RSF1: variants seen among roughly 807,000 people sequenced by gnomAD.
RSF1 encodes the protein HBV pX-associated protein 8.
A neutral mutation model predicts 145.2 loss-of-function variants in RSF1; 13 were observed. That is an observed-to-expected ratio of 0.09 (90% confidence interval 0.06 to 0.14). The LOEUF is 0.14. Ranked by LOEUF, RSF1 falls within the 10% of genes least tolerant of loss-of-function variation. The pLI is 1.00. For synonymous variants in RSF1, 577 were observed against 592.6 expected (o/e 0.97, Z 0.38); for missense variants, 1,517 against 1,718.2 (o/e 0.88, Z 2.07).
intron 1 of RSF1, among the ~76,000 whole-genome samples, chr11:77,820,212 C>T (rs1386694056): frequency 1.3e-5 from 2 of 152,156 alleles, no homozygotes; most frequent in African/African-American, 4.8e-5. Flanking sequence ...GGGCCGCCCT[C>T]CGCCGCGGAG....
chr11:77,778,951 A>G (rs1035509204), intron 1 of RSF1, among the ~76,000 whole-genome samples: 2 of 151,738 alleles, frequency 1.3e-5, no homozygotes, highest in African/African-American at 4.8e-5. Context: ...CTTTTCATTC[A>G]TTCATTTTTT....
intron 4 of RSF1, among the ~76,000 whole-genome samples, chr11:77,730,008 T>A (rs370526040): frequency 1.2e-3 from 181 of 150,362 alleles, no homozygotes; most frequent in African/African-American, 4.3e-3. Context: ...CATTAGTGAA[T>A]GAGCACTATG....
At chr11:77,803,213 C>A (rs1948643909) in intron 1 of RSF1, among the ~76,000 whole-genome samples, 3 of 151,920 alleles carry the variant, frequency 2.0e-5, no homozygotes, top group Admixed American at 2.0e-4. Flanking sequence ...AGTGGCACAA[C>A]CATGGCTCAC....
At position 77,660,285 on chromosome 11, in the gene RSF1, A is replaced by G. The variant is rs563535369; in HGVS notation, c.*6632T>C. 3.3e-5 allele frequency: 5 copies of G among 152,338 alleles called. No homozygotes were observed. The South Asian group carries it at 1.0e-3, about 32-fold the overall frequency. 9.4% of individuals were successfully genotyped at this position (152,338 alleles called of 1,614,324 possible). On this transcript the variant is annotated 3_prime_UTR_variant, in exon 16 of 16. Coordinates refer to ENST00000308488, the MANE Select transcript of RSF1 (RefSeq NM_016578.4). ...CAACTATGCACTGCAATTCTAACAC[A>G]CTAGGTGTTCATACACTGAAGTTAA...
rs112589342 is a variant in RSF1, at chr11:77,791,017, C to T, written c.188-26328G>A. ...CTTCTCACAGCTCCACTAGGCAGTG[C>T]CCCAGGTAGGGGATCTGTGTAGGGG... On this transcript the variant is annotated intron_variant, in intron 1 of 15. Coordinates refer to ENST00000308488, the MANE Select transcript of RSF1 (RefSeq NM_016578.4). Among the ~76,000 whole-genome samples, 341 of 152,314 alleles carry T rather than the reference C, an allele frequency of 2.2e-3. 2 individuals carry two copies. Among genetic ancestry groups the T allele is most frequent in the African/African-American group, 7.4e-3 (309 of 41,558 alleles).
chr11:77,705,103 CTAAAT>C (rs1478419138), intron 5 of RSF1, among the ~76,000 whole-genome samples: 1 of 152,112 alleles, frequency 6.6e-6, no homozygotes, highest in Non-Finnish European at 1.5e-5. Context: ...TCTAGCTCCT[CTAAAT>C]TAAATAAATA....
Position 77,672,163 on chromosome 11 carries a change from A to G in RSF1, c.3630T>C (p.Asn1210=). ...VETRRRRSRR[N]QKRQINYKED... ...CTTTGTAGTTAATTTGTCTTTTCTG[A>G]TTTCTCCTTGACCGCCTTCGCCGAG... The change falls in exon 15 of 16, where the codon AAT becomes AAC. Residue 1210 remains asparagine (N), a synonymous_variant. Transcript: ENST00000308488. 6.2e-7 allele frequency: 1 copy of G among 1,613,598 alleles called. No individual in the cohort carries two copies. Among genetic ancestry groups the G allele is most frequent in the South Asian group, 1.1e-5 (1 of 90,904 alleles).
chr11:77,720,909 CAA>C (rs1960927086), intron 5 of RSF1, among the ~76,000 whole-genome samples: 1 of 152,186 alleles, frequency 6.6e-6, no homozygotes, highest in South Asian at 2.1e-4. Context: ...GTCTTTGAAA[CAA>C]AGTCAACTTA....
intron 5 of RSF1, among the ~76,000 whole-genome samples, chr11:77,714,759 T>C (rs1350201794): frequency 1.3e-5 from 2 of 152,100 alleles, no homozygotes; most frequent in Non-Finnish European, 2.9e-5. Flanking sequence ...GGAGGACTGA[T>C]TGAGCCCTAG....
At chr11:77,858,339 G>GTTTTTTTTTTT in the RSF1 span, among the ~76,000 whole-genome samples, 1 of 126,838 alleles carries the variant, frequency 7.9e-6, no homozygotes, top group African/African-American at 3.2e-5. Context: ...TAGTTGCAAG[G>GTTTTTTTTTTT]TTTAATAGAG....
chr11:77,742,935 G>A (rs577571726), intron 3 of RSF1, among the ~76,000 whole-genome samples: 1 of 152,192 alleles, frequency 6.6e-6, no homozygotes, highest in East Asian at 1.9e-4. Flanking sequence ...GTAAGATAAG[G>A]GTCTAATTTC....
At chr11:77,729,744 C>A (rs1961151075) in intron 4 of RSF1, among the ~76,000 whole-genome samples, 1 of 151,754 alleles carries the variant, frequency 6.6e-6, no homozygotes, top group African/African-American at 2.4e-5. Context: ...ATAACAAAAA[C>A]TCCTTAACAA....
At chr11:77,732,214 C>T (rs1448863125) in intron 4 of RSF1, among the ~76,000 whole-genome samples, 3 of 152,194 alleles carry the variant, frequency 2.0e-5, no homozygotes, top group Admixed American at 6.5e-5. Flanking sequence ...TGCTGGATTT[C>T]GGACTTGCAT....
At chr11:77,871,686 T>C in the RSF1 span, among the ~76,000 whole-genome samples, 8 of 152,210 alleles carry the variant, frequency 5.3e-5, no homozygotes, top group African/African-American at 1.7e-4. Flanking sequence ...AGCCTAACAT[T>C]TCTTAGCTAG....
chr11:77,820,955 G>T (rs1242712689), upstream of RSF1: 14 of 551,166 alleles, frequency 2.5e-5, no homozygotes, highest in South Asian at 3.0e-4. Flanking sequence ...CCCTCTTTCC[G>T]CCCCCTTCTC....
intron 10 of RSF1, 117 bp downstream of exon 10, chr11:77,684,988 G>GAAATAAAT (rs112115163): frequency 0.076 from 35,051 of 458,402 alleles, 2,086 homozygotes; most frequent in Admixed American, 0.16. Context: ...ACTCCATCTC[G>GAAATAAAT]AAATAAATAA....
chr11:77,722,781 T>TAA (rs1960969813), intron 5 of RSF1, among the ~76,000 whole-genome samples: 2 of 152,242 alleles, frequency 1.3e-5, no homozygotes, highest in South Asian at 4.1e-4. Context: ...ATGTTAGCTG[T>TAA]TGTTATTGTT....
chr11:77,746,668 A>G (rs2135917864), intron 3 of RSF1, among the ~76,000 whole-genome samples: 1 of 152,328 alleles, frequency 6.6e-6, no homozygotes, highest in South Asian at 2.1e-4. Flanking sequence ...TTTAAGTACG[A>G]AATGACATGC....
intron 1 of RSF1, among the ~76,000 whole-genome samples, chr11:77,794,067 A>G (rs1948548482): frequency 6.6e-6 from 1 of 152,212 alleles, no homozygotes; most frequent in Non-Finnish European, 1.5e-5. Flanking sequence ...ACAGAGAGAC[A>G]GACTCCAGTA....
Sources: allele counts gnomAD v4.1 joint callset (sites outside exome capture counted in the v4.1 genomes callset), GRCh38; gene constraint gnomAD v4.1.1; transcripts MANE v1.5; gene names NCBI Gene and HGNC (gene_info 2026-07-23, HGNC 2026-07-21).